KIF21A: variants seen among roughly 807,000 people sequenced by gnomAD.
The protein encoded by KIF21A is kinesin-like protein KIF21A.
In KIF21A, 114 loss-of-function variants were observed where a neutral mutation model predicts 202.9. That is an observed-to-expected ratio of 0.56 (90% CI 0.48 to 0.66). The LOEUF is 0.66. Among genes scored for constraint, KIF21A ranks in the 30% least tolerant of loss-of-function variants. The probability of loss-of-function intolerance (pLI) is 0.00; values close to 1 mark genes in which losing one functional copy is unlikely to be tolerated. For synonymous variants in KIF21A, 667 were observed against 670.8 expected, an observed-to-expected ratio of 0.99 and a Z score of 0.09; for missense variants, 1,677 against 1,994.9, an observed-to-expected ratio of 0.84 and a Z score of 3.04.
chr12:39,407,518 A>C (rs1952691912), intron 1 of KIF21A, among the ~76,000 whole-genome samples: 1 of 152,162 alleles, frequency 6.6e-6, no homozygotes, highest in African/African-American at 2.4e-5. Context: ...CTCAATCTTC[A>C]ATGAGTAATA....
intron 1 of KIF21A, among the ~76,000 whole-genome samples, chr12:39,428,225 T>C (rs1954913998): frequency 6.6e-6 from 1 of 152,242 alleles, no homozygotes; most frequent in African/African-American, 2.4e-5. Flanking sequence ...TCTAGGTCCA[T>C]CTGACAGTAT....
At chr12:39,437,809 T>C (rs1011545283) in intron 1 of KIF21A, among the ~76,000 whole-genome samples, 1 of 152,178 alleles carries the variant, frequency 6.6e-6, no homozygotes, top group African/African-American at 2.4e-5. Context: ...ATTTGTTGTA[T>C]TAAGGATGAA....
Position 39,369,797 on chromosome 12 carries a change from T to C in KIF21A, c.382A>G (p.Lys128Glu), listed in dbSNP as rs574944321. 5.6e-6 allele frequency: 9 copies of C among 1,613,112 alleles called. No individual in the cohort carries two copies. Among genetic ancestry groups the C allele is most frequent in the Admixed American group, 1.7e-5 (1 of 59,928 alleles). Residue 128 changes from lysine (K) to glutamate (E), a missense_variant, in exon 3 of 38, where the codon AAA becomes GAA. Transcript: ENST00000361418. ...CCATTTTTAATTGCTATGTGTTTTT[T>C]TTCTTCAATACTCTTAAAAAGGTGT... ...VKHLFKSIEEKKHIAIKNGLP... is the reference protein window; with the variant it reads ...VKHLFKSIEEEKHIAIKNGLP...
At chr12:39,389,145 T>C (rs1951161943) in intron 1 of KIF21A, among the ~76,000 whole-genome samples, 1 of 151,770 alleles carries the variant, frequency 6.6e-6, no homozygotes, top group Non-Finnish European at 1.5e-5. Context: ...AATACAGGTA[T>C]TTGGTTACTT....
intron 37 of KIF21A, among the ~76,000 whole-genome samples, chr12:39,296,025 T>TA (rs34017775): frequency 0.17 from 15,109 of 86,698 alleles, 1,323 homozygotes; most frequent in East Asian, 0.23. Context: ...GTTTGTTTGT[T>TA]AAAAAAAAAA....
Position 39,339,530 on chromosome 12 carries a change from T to C in KIF21A, c.2310+635A>G, listed in dbSNP as rs940410276. On this transcript the variant is annotated intron_variant, in intron 16 of 37. Transcript: ENST00000361418. Reference sequence around the variant, plus strand: ...TGCATTTCTCAGAATGTACCATCATTAAGCAATGCATGATTATACTTTCTA... The same window carrying C: ...TGCATTTCTCAGAATGTACCATCATCAAGCAATGCATGATTATACTTTCTA... 3.3e-5 allele frequency among the ~76,000 whole-genome samples: 5 copies of C among 152,202 alleles called. No homozygotes were observed. In the South Asian group the frequency reaches 1.0e-3, roughly 31 times the overall value.
chr12:39,435,597 T>C (rs2140417740), intron 1 of KIF21A, among the ~76,000 whole-genome samples: 1 of 152,294 alleles, frequency 6.6e-6, no homozygotes, highest in South Asian at 2.1e-4. Context: ...GAGGTCTTTC[T>C]AAACCACTCA....
chr12:39,335,055 T>A, intron 17 of KIF21A, among the ~76,000 whole-genome samples: 1 of 152,106 alleles, frequency 6.6e-6, no homozygotes, highest in East Asian at 1.9e-4. Flanking sequence ...TCTATCTATA[T>A]AACCATAAAA....
intron 1 of KIF21A, among the ~76,000 whole-genome samples, chr12:39,413,371 G>A (rs142408118): frequency 3.3e-5 from 5 of 152,212 alleles, no homozygotes; most frequent in African/African-American, 1.2e-4. Flanking sequence ...CCTATTGAAC[G>A]CTATCCCACT....
intron 1 of KIF21A, among the ~76,000 whole-genome samples, chr12:39,386,529 T>C (rs1469876413): frequency 1.3e-5 from 2 of 152,182 alleles, no homozygotes; most frequent in Non-Finnish European, 2.9e-5. Flanking sequence ...TGCCACCTAA[T>C]AGAACCTGTA....
At chr12:39,382,369 C>T (rs1950668019) in intron 1 of KIF21A, among the ~76,000 whole-genome samples, 1 of 152,162 alleles carries the variant, frequency 6.6e-6, no homozygotes, top group East Asian at 1.9e-4. Flanking sequence ...TAAGATGATC[C>T]TAAGGTTCTC....
chr12:39,333,751 A>C (rs1461762708), intron 17 of KIF21A, among the ~76,000 whole-genome samples: 1 of 152,140 alleles, frequency 6.6e-6, no homozygotes, highest in East Asian at 1.9e-4. Flanking sequence ...TACTTATAAT[A>C]ACTATGGATC....
chr12:39,331,728 A>G lies in KIF21A; in HGVS notation c.3115T>C (p.Tyr1039His), dbSNP rs1946523030. Residue 1039 changes from tyrosine (Y) to histidine (H), a missense_variant, in exon 22 of 38, where the codon TAC becomes CAC. Tyr to His is a moderately conservative substitution (Grantham distance 83, BLOSUM62 2). Around this residue, in one of 3 missense-constraint regions of KIF21A, gnomAD observed 705 missense variants for 791.9 expected, o/e 0.89. Transcript: ENST00000361418. Reference sequence around the variant, plus strand: ...ATTGACAGGAAGTGATCTAGCAGGTATCGGGCTTCTGTAAGGGTGCAGGCA... The same window carrying G: ...ATTGACAGGAAGTGATCTAGCAGGTGTCGGGCTTCTGTAAGGGTGCAGGCA... ...INACTLTEAR[Y>H]LLDHFLSMGI... 8.1e-6 allele frequency: 13 copies of G among 1,613,498 alleles called. No homozygotes were observed. The East Asian group carries it at 2.9e-4, about 36-fold the overall frequency.
rs145071062 is a variant in KIF21A, at chr12:39,360,219, C to A, written c.1020-1846G>T. On this transcript the variant is annotated intron_variant, in intron 7 of 37. Coordinates refer to ENST00000361418, the MANE Select transcript of KIF21A (RefSeq NM_001173464.2). The stretch of plus-strand genomic sequence containing the variant: ...AAAATAAAATAAAGCTAAAAAAAAG[C>A]TATTTATTTTAAAAGTTCACACAAA... Among the ~76,000 whole-genome samples, 955 of 151,872 alleles carry A rather than the reference C, an allele frequency of 6.3e-3. 12 individuals carry two copies. Among genetic ancestry groups the A allele is most frequent in the African/African-American group, 0.022 (910 of 41,404 alleles).
At chr12:39,417,779 T>A (rs755462669) in intron 1 of KIF21A, among the ~76,000 whole-genome samples, 6 of 151,858 alleles carry the variant, frequency 4.0e-5, no homozygotes, top group Admixed American at 3.3e-4. Flanking sequence ...GAATGGAAAA[T>A]ATATATATAT....
Position 39,358,253 on chromosome 12 carries a change from G to A in KIF21A, c.1140C>T (p.Asp380=). 2 of 1,614,046 alleles carry A rather than the reference G, an allele frequency of 1.2e-6. No homozygotes were observed. Among genetic ancestry groups the A allele is most frequent in the Middle Eastern group, 1.7e-4 (1 of 6,060 alleles). Residue 380 remains aspartate, a synonymous_variant, in exon 8 of 38, where the codon GAC becomes GAT. Coordinates refer to ENST00000361418, the MANE Select transcript of KIF21A (RefSeq NM_001173464.2). Reference sequence around the variant, plus strand: ...GTGCATTGATTTGCTGACTAGCTCTGTCCTGATTGACCATCACCTTATTCT... The same window carrying A: ...GTGCATTGATTTGCTGACTAGCTCTATCCTGATTGACCATCACCTTATTCT... The part of the protein sequence containing the change: ...NIKNKVMVNQ[D]RASQQINALR...
chr12:39,294,363 T>G lies in KIF21A; in HGVS notation c.*61A>C. Reference sequence around the variant, plus strand: ...TGCCTAGTAAGTACAGGACAACATTTTCCATAAAGAATACAGAGTATTATC... The same window carrying G: ...TGCCTAGTAAGTACAGGACAACATTGTCCATAAAGAATACAGAGTATTATC... On this transcript the variant is annotated 3_prime_UTR_variant, in exon 38 of 38. Transcript: ENST00000361418. 7.8e-7 allele frequency: 1 copy of G among 1,288,228 alleles called. No individual in the cohort carries two copies. Among genetic ancestry groups the G allele is most frequent in the Non-Finnish European group, 1.1e-6 (1 of 883,422 alleles). The allele number at this position is 1,288,228 out of a possible 1,614,324, so 79.8% of individuals were successfully genotyped here.
At chr12:39,380,680 G>T (rs1188807960) in intron 1 of KIF21A, among the ~76,000 whole-genome samples, 2 of 151,844 alleles carry the variant, frequency 1.3e-5, no homozygotes, top group Admixed American at 6.6e-5. Context: ...AACATACTGA[G>T]ATTCCATCTT....
Position 39,330,280 on chromosome 12 carries a change from A to G in KIF21A, c.3320-18T>C. On this transcript the variant is annotated intron_variant, in intron 23 of 37. Coordinates refer to ENST00000361418, the MANE Select transcript of KIF21A (RefSeq NM_001173464.2). ...ATCTAGATCTGTGTAAATAACAGCA[A>G]AAAGGAAACAAAAAGCAATACTCCA... 6.2e-7 allele frequency: 1 copy of G among 1,610,360 alleles called. No homozygotes were observed. The highest frequency in any genetic ancestry group is 8.5e-7 in the Non-Finnish European group (1 of 1,176,948).
Sources: gnomAD v4.1 joint callset for allele counts (sites outside exome capture counted in the v4.1 genomes callset) on GRCh38, gnomAD v4.1.1 for gene constraint, gnomAD v4.1.1 regional missense constraint, MANE v1.5 for transcripts, NCBI Gene and HGNC (gene_info 2026-07-23, HGNC 2026-07-21) for gene names.